The following IFIH1 variants were observed in gnomAD, a reference collection of about 807,000 sequenced individuals.
The protein encoded by IFIH1 is interferon induced with helicase C domain 1.
A neutral mutation model predicts 107.4 loss-of-function variants in IFIH1; 125 were observed. That is an observed-to-expected ratio of 1.16 (90% CI 1.01 to 1.35). The LOEUF (loss-of-function observed/expected upper bound fraction) is 1.35, where lower values mean the gene tolerates loss of function less well. Ranked by LOEUF, IFIH1 falls within the 40% of genes most tolerant of loss-of-function variation. The probability of loss-of-function intolerance (pLI) is 0.00; values close to 1 mark genes in which losing one functional copy is unlikely to be tolerated. For synonymous variants in IFIH1, 458 were observed against 413.2 expected, an observed-to-expected ratio of 1.11 and a Z score of -1.31; for missense variants, 1,333 against 1,213.7, an observed-to-expected ratio of 1.10 and a Z score of -1.46.
chr2:162,279,963 T>A (rs1682775866), intron 8 of IFIH1, 33 bp downstream of exon 8: 1 of 1,073,106 alleles, frequency 9.3e-7, no homozygotes, highest in Non-Finnish European at 1.5e-6. Flanking sequence ...TGTAGTATTG[T>A]CAATCAATAG....
chr2:162,306,679 T>C (rs756960030), intron 3 of IFIH1, 30 bp downstream of exon 3: 5 of 1,597,694 alleles, frequency 3.1e-6, no homozygotes, highest in African/African-American at 2.7e-5. Context: ...TAGTAATTAC[T>C]GTATTAAAGT....
chr2:162,292,482 A>C (rs1683011350), intron 4 of IFIH1, among the ~76,000 whole-genome samples: 1 of 151,824 alleles, frequency 6.6e-6, no homozygotes, highest in Non-Finnish European at 1.5e-5. Flanking sequence ...AAAAGGATAT[A>C]TGAAAAAAGA....
At position 162,305,340 on chromosome 2, in the gene IFIH1, G is replaced by C. The variant is rs753205928; in HGVS notation, c.769+1369C>G. Among the ~76,000 whole-genome samples the C allele has an allele frequency of 9.3e-4, 141 of 152,052 alleles. 2 individuals carry two copies. Among genetic ancestry groups the C allele is most frequent in the Admixed American group, 8.5e-3 (130 of 15,268 alleles). On this transcript the variant is annotated intron_variant, in intron 3 of 15. Transcript: ENST00000649979. ...ATCCCAGCACTTTGGGAGGCCGAGT[G>C]GGGGGGATCACCTGAGGTCAGGAGT...
At chr2:162,285,958 G>A (rs1165511772) in intron 5 of IFIH1, among the ~76,000 whole-genome samples, 1 of 151,938 alleles carries the variant, frequency 6.6e-6, no homozygotes, top group African/African-American at 2.4e-5. Flanking sequence ...CTATGACAAG[G>A]TCCAGATAAG....
At chr2:162,304,487 C>T (rs950232969) in intron 3 of IFIH1, among the ~76,000 whole-genome samples, 1 of 151,532 alleles carries the variant, frequency 6.6e-6, no homozygotes, top group Non-Finnish European at 1.5e-5. Context: ...CCCCAGAACC[C>T]CCAAAAAAAG....
At chr2:162,304,523 C>T (rs192676402) in intron 3 of IFIH1, among the ~76,000 whole-genome samples, 146 of 152,042 alleles carry the variant, frequency 9.6e-4, no homozygotes, top group African/African-American at 3.2e-3. Flanking sequence ...CACAAACAGG[C>T]TAAAAAGCAA....
At chr2:162,287,009 A>C (rs1682905509) in intron 5 of IFIH1, among the ~76,000 whole-genome samples, 1 of 152,024 alleles carries the variant, frequency 6.6e-6, no homozygotes, top group Admixed American at 6.6e-5. Context: ...TCATTTAAAA[A>C]AATAATATCC....
At position 162,277,703 on chromosome 2, in the gene IFIH1, A is replaced by T; in HGVS notation, c.1766-10T>A. On this transcript the variant is annotated splice_polypyrimidine_tract_variant and intron_variant, in intron 9 of 15. Coordinates refer to ENST00000649979, the MANE Select transcript of IFIH1 (RefSeq NM_022168.4). ...TTTCCTTCTTTTGCAGCTGTGAAAA[A>T]ATATATTATGTAAGTGAAATAATAA... is the stretch of plus-strand genomic sequence containing the variant. 1 of 1,598,380 alleles carries T rather than the reference A, an allele frequency of 6.3e-7. No homozygotes were observed. Among genetic ancestry groups the T allele is most frequent in the Non-Finnish European group, 8.5e-7 (1 of 1,173,072 alleles).
intron 14 of IFIH1, 68 bp downstream of exon 14, chr2:162,268,019 G>A: frequency 2.7e-6 from 3 of 1,103,350 alleles, no homozygotes; most frequent in South Asian, 3.5e-5. Context: ...TATTTTGAAA[G>A]AACATTTACA....
chr2:162,277,612 G>C lies in IFIH1; in HGVS notation c.1847C>G (p.Thr616Arg), dbSNP rs1461536536. The C allele has an allele frequency of 1.2e-6, 2 of 1,613,070 alleles. No individual in the cohort carries two copies. The highest frequency in any genetic ancestry group is 1.7e-6 in the Non-Finnish European group (2 of 1,179,342). ...AGTATACGCATCTATCATTCGAATT[G>C]TGTCATTAATTTGTAGGGCCTCATT... is the stretch of plus-strand genomic sequence containing the variant. ...KYNEALQIND[T>R]IRMIDAYTHL... The change falls in exon 10 of 16, where the codon ACA becomes AGA. Residue 616 changes from threonine to arginine, a missense_variant. Transcript: ENST00000649979.
chr2:162,292,010 T>C (rs1683004806), intron 4 of IFIH1, among the ~76,000 whole-genome samples: 1 of 151,890 alleles, frequency 6.6e-6, no homozygotes, highest in Non-Finnish European at 1.5e-5. Flanking sequence ...ACTTATCATG[T>C]GTTTCATGCC....
chr2:162,292,525 AT>A (rs1289737628), intron 4 of IFIH1, among the ~76,000 whole-genome samples: 14 of 151,838 alleles, frequency 9.2e-5, no homozygotes, highest in African/African-American at 3.4e-4. Context: ...AGCATTTAGG[AT>A]TGATGACAAT....
chr2:162,271,001 G>A (rs1270309351), intron 13 of IFIH1, among the ~76,000 whole-genome samples: 2 of 152,072 alleles, frequency 1.3e-5, no homozygotes, highest in Admixed American at 1.3e-4. Flanking sequence ...CCATATGCAA[G>A]GGTGTGAATT....
At chr2:162,317,802 C>A (rs1334907877) in intron 1 of IFIH1, 53 bp downstream of exon 1, 22 of 1,438,864 alleles carry the variant, frequency 1.5e-5, no homozygotes, top group Non-Finnish European at 2.1e-5. Flanking sequence ...CACAAGGAAG[C>A]CTGCTTTGCA....
At chr2:162,316,450 T>C (rs918175884) in intron 1 of IFIH1, among the ~76,000 whole-genome samples, 1 of 152,194 alleles carries the variant, frequency 6.6e-6, no homozygotes, top group Non-Finnish European at 1.5e-5. Flanking sequence ...CAGACAACAG[T>C]GCAAAGTAAT....
Position 162,318,258 on chromosome 2 carries a change from C to T in IFIH1, c.50G>A (p.Cys17Tyr). The T allele has an allele frequency of 6.2e-7, 1 of 1,614,140 alleles. No individual in the cohort carries two copies. Among genetic ancestry groups the T allele is most frequent in the South Asian group, 1.1e-5 (1 of 91,084 alleles). ...GTACATTTTCACCCTGGCCCTGAAG[C>T]ACGAGATGAGATAGCGGAAATTCTC... ...TDENFRYLIS[C>Y]FRARVKMYIQ... Residue 17 changes from cysteine to tyrosine, a missense_variant, in exon 1 of 16, where the codon TGC (cysteine) becomes TAC (tyrosine). Cys to Tyr is a radical substitution (Grantham distance 194, BLOSUM62 -2). Transcript: ENST00000649979.
At chr2:162,298,785 C>T (rs1045946501) in intron 3 of IFIH1, among the ~76,000 whole-genome samples, 3 of 150,166 alleles carry the variant, frequency 2.0e-5, no homozygotes, top group Non-Finnish European at 4.4e-5. Flanking sequence ...CACGCACGCG[C>T]GCGCGCACAC....
chr2:162,300,323 T>G (rs1382768240), intron 3 of IFIH1, among the ~76,000 whole-genome samples: 1 of 152,202 alleles, frequency 6.6e-6, no homozygotes, highest in Non-Finnish European at 1.5e-5. Flanking sequence ...GTTAAAACTC[T>G]GCTAAAAAAA....
chr2:162,271,857 A>G (rs1209193328), intron 13 of IFIH1, among the ~76,000 whole-genome samples: 1 of 152,214 alleles, frequency 6.6e-6, no homozygotes, highest in Non-Finnish European at 1.5e-5. Context: ...CCTGGCACAC[A>G]GTAGGCGTTT....
Sources: gnomAD v4.1 joint callset for allele counts (sites outside exome capture counted in the v4.1 genomes callset) on GRCh38, gnomAD v4.1.1 for gene constraint, MANE v1.5 for transcripts, NCBI Gene and HGNC (gene_info 2026-07-23, HGNC 2026-07-21) for gene names.